LRRIQ1: variants seen among roughly 807,000 people sequenced by gnomAD.
The protein encoded by LRRIQ1 is leucine rich repeats and IQ motif containing 1, also known as leucine-rich repeat- and IQ domain-containing protein 1.
LRRIQ1 carries 210 observed loss-of-function variants against 211.9 expected under a neutral mutation model. The observed-to-expected ratio is 0.99, with a 90% CI of 0.89 to 1.11. LRRIQ1 has a LOEUF of 1.11. Among genes scored for constraint, LRRIQ1 ranks in the 50% most tolerant of loss-of-function variants. The pLI is 0.00. For missense variants in LRRIQ1, 2,136 were observed against 1,939.5 expected (o/e 1.10, Z -1.90); for synonymous variants, 699 against 650.1 (o/e 1.08, Z -1.14).
At chr12:85,265,884 G>GTGT (rs1177188220), downstream of LRRIQ1, among the ~76,000 whole-genome samples, 4 of 151,964 alleles carry the variant, frequency 2.6e-5, no homozygotes, top group Admixed American at 6.6e-5. Context: ...TATAGAAAGG[G>GTGT]TGTTTTATGC....
At chr12:85,270,390 T>C in the LRRIQ1 span, among the ~76,000 whole-genome samples, 2 of 152,066 alleles carry the variant, frequency 1.3e-5, no homozygotes, top group African/African-American at 2.4e-5. Context: ...GCAATACCTA[T>C]GTTTATAGCC....
chr12:85,153,353 A>G (rs1890352855), intron 21 of LRRIQ1, among the ~76,000 whole-genome samples: 1 of 151,572 alleles, frequency 6.6e-6, no homozygotes, highest in Non-Finnish European at 1.5e-5. Context: ...CAAAATTTAT[A>G]TGTCAGGGAA....
chr12:85,114,415 T>A (rs1286783707), intron 15 of LRRIQ1, among the ~76,000 whole-genome samples: 2 of 152,184 alleles, frequency 1.3e-5, no homozygotes, highest in Non-Finnish European at 2.9e-5. Flanking sequence ...TCCATCCAAA[T>A]AGCTGCCACA....
At chr12:85,207,488 C>A (rs1031261265) in intron 24 of LRRIQ1, among the ~76,000 whole-genome samples, 1 of 152,142 alleles carries the variant, frequency 6.6e-6, no homozygotes, top group African/African-American at 2.4e-5. Flanking sequence ...TCTGCCCATT[C>A]TTTTGATGTC....
intron 13 of LRRIQ1, among the ~76,000 whole-genome samples, chr12:85,100,067 A>G (rs1004875836): frequency 2.0e-5 from 3 of 151,818 alleles, no homozygotes; most frequent in African/African-American, 7.2e-5. Flanking sequence ...TTTTCCAGGT[A>G]CAGAGTATAC....
At chr12:85,071,645 G>C (rs528558445) in intron 10 of LRRIQ1, among the ~76,000 whole-genome samples, 1 of 151,980 alleles carries the variant, frequency 6.6e-6, no homozygotes, top group African/African-American at 2.4e-5. Flanking sequence ...AGACATAGCC[G>C]AGAATGGGTG....
At chr12:85,196,770 A>G (rs1367274742) in intron 24 of LRRIQ1, among the ~76,000 whole-genome samples, 2 of 151,430 alleles carry the variant, frequency 1.3e-5, no homozygotes, top group Non-Finnish European at 3.0e-5. Context: ...GGCATGGGCA[A>G]GGACTTCATG....
Position 85,072,988 on chromosome 12 carries a change from C to A in LRRIQ1, c.2777C>A (p.Ser926Tyr). The change falls in exon 11 of 27, where the codon TCC (serine) becomes TAC (tyrosine). Residue 926 changes from serine (S) to tyrosine (Y), a missense_variant. Coordinates refer to ENST00000393217, the MANE Select transcript of LRRIQ1 (RefSeq NM_001079910.2). ...TTGGGCACCTCCACTTCTTACTTAT[C>A]CCTGGCACAAGTCTGGATTCCAACT... Reference protein sequence around the residue: ...HHLGTSTSYLSLAQVWIPTGL... With the variant: ...HHLGTSTSYLYLAQVWIPTGL... 6.2e-7 allele frequency: 1 copy of A among 1,612,762 alleles called. No homozygotes were observed. Among genetic ancestry groups the A allele is most frequent in the Non-Finnish European group, 8.5e-7 (1 of 1,179,202 alleles).
chr12:85,187,809 CAAAA>C (rs749849862), intron 24 of LRRIQ1, among the ~76,000 whole-genome samples: 1 of 97,586 alleles, frequency 1.0e-5, no homozygotes, highest in Non-Finnish European at 2.1e-5. Flanking sequence ...AACTTCATCT[CAAAA>C]AAAAAAAAAA....
intron 25 of LRRIQ1, among the ~76,000 whole-genome samples, chr12:85,230,415 A>G (rs1894874968): frequency 6.6e-6 from 1 of 152,190 alleles, no homozygotes; most frequent in Non-Finnish European, 1.5e-5. Flanking sequence ...CCTCACAAGG[A>G]TGTGGACTGT....
intron 14 of LRRIQ1, 62 bp downstream of exon 14, chr12:85,104,139 A>G (rs1886604014): frequency 2.4e-6 from 2 of 840,906 alleles, no homozygotes; most frequent in Non-Finnish European, 3.4e-6. Flanking sequence ...TTCAAATATG[A>G]TAAGGGGTTG....
rs2660453 is a variant in LRRIQ1, at chr12:85,186,710, C to T, written c.4822+25996C>T. 4.5e-3 allele frequency among the ~76,000 whole-genome samples: 679 copies of T among 152,088 alleles called. 2 individuals carry two copies. Among genetic ancestry groups the T allele is most frequent in the African/African-American group, 0.016 (646 of 41,508 alleles). On this transcript the variant is annotated intron_variant, in intron 24 of 26. Transcript: ENST00000393217. ...TTTATTAGTTCTTAGAATAAATGCTCATTTACTTTCAAGCAGGTTTATTGT... is the reference window on the plus strand; with the variant it reads ...TTTATTAGTTCTTAGAATAAATGCTTATTTACTTTCAAGCAGGTTTATTGT...
At position 85,244,871 on chromosome 12, in the gene LRRIQ1, A is replaced by C. The variant is rs1406908670; in HGVS notation, c.5099A>C (p.Lys1700Thr). ...AGTGCTTTGTCTGTGAACAGAGAAA[A>C]AAAAAATCAGGCACACAGACACTCA... ...NGSALSVNRE[K>T]KNQAHRHSAG... The change falls in exon 27 of 27, where the codon AAA becomes ACA. Residue 1700 changes from lysine to threonine, a missense_variant. Physicochemically the swap from Lys to Thr is moderately conservative, Grantham distance 78. Transcript: ENST00000393217. 1 of 1,611,678 alleles carries C rather than the reference A, an allele frequency of 6.2e-7. No homozygotes were observed. Among genetic ancestry groups the C allele is most frequent in the Admixed American group, 1.7e-5 (1 of 59,740 alleles).
At chr12:85,163,982 A>G (rs930759063) in intron 24 of LRRIQ1, among the ~76,000 whole-genome samples, 7 of 152,132 alleles carry the variant, frequency 4.6e-5, no homozygotes, top group African/African-American at 7.2e-5. Context: ...AGTTTTTCCT[A>G]TGAGACAAGT....
At chr12:85,197,829 A>AC (rs1893013935) in intron 24 of LRRIQ1, among the ~76,000 whole-genome samples, 1 of 140,866 alleles carries the variant, frequency 7.1e-6, no homozygotes, top group African/African-American at 2.6e-5. Flanking sequence ...TATAATAAAA[A>AC]AATAAAAAAT....
At chr12:85,037,152 A>AT (rs1204259804) in intron 1 of LRRIQ1, among the ~76,000 whole-genome samples, 1 of 149,884 alleles carries the variant, frequency 6.7e-6, no homozygotes, top group South Asian at 2.1e-4. Flanking sequence ...TAAATAAAAT[A>AT]TATTATAAAA....
intron 1 of LRRIQ1, among the ~76,000 whole-genome samples, chr12:85,259,507 G>A (rs1336855811): frequency 1.3e-5 from 2 of 151,938 alleles, no homozygotes; most frequent in African/African-American, 2.4e-5. Flanking sequence ...GTAGTGATTT[G>A]GGAATTTATA....
intron 19 of LRRIQ1, among the ~76,000 whole-genome samples, chr12:85,139,906 ATTAT>A (rs1049876606): frequency 4.6e-5 from 7 of 151,330 alleles, no homozygotes; most frequent in Admixed American, 1.3e-4. Context: ...AAAATCTACC[ATTAT>A]TTTGCACTCT....
chr12:85,190,274 TAAC>T (rs955511150), intron 24 of LRRIQ1, among the ~76,000 whole-genome samples: 8 of 145,072 alleles, frequency 5.5e-5, no homozygotes, highest in East Asian at 4.1e-4. Context: ...ACTACACAGT[TAAC>T]AACTATACAG....
Sources: allele counts gnomAD v4.1 joint callset (sites outside exome capture counted in the v4.1 genomes callset), GRCh38; gene constraint gnomAD v4.1.1; transcripts MANE v1.5; gene names NCBI Gene and HGNC (gene_info 2026-07-23, HGNC 2026-07-21).